The following MBOAT2 variants were observed in gnomAD, a reference collection of about 807,000 sequenced individuals.
MBOAT2 encodes membrane bound glycerophospholipid O-acyltransferase 2.
MBOAT2 carries 28 observed loss-of-function variants against 63.4 expected under a neutral mutation model. The observed-to-expected ratio is 0.44, with a 90% CI of 0.33 to 0.61. The LOEUF is 0.61. Ranked by LOEUF, MBOAT2 falls within the 20% of genes least tolerant of loss-of-function variation. The pLI, the probability that MBOAT2 is intolerant of heterozygous loss-of-function variation, is 0.03. For missense variants in MBOAT2, 470 were observed against 605.8 expected (o/e 0.78, Z 2.35); for synonymous variants, 211 against 215.6 (o/e 0.98, Z 0.19).
At position 8,897,154 on chromosome 2, in the gene MBOAT2, C is replaced by A. The variant is rs115266532; in HGVS notation, c.396-9081G>T. On this transcript the variant is annotated intron_variant, in intron 4 of 12. Transcript: ENST00000305997. ...TTTGACTTCTTTGTCTCTGTCTCTT[C>A]CTCTCTTTGACTTTCTGTGTCTCTT... 6.6e-3 allele frequency among the ~76,000 whole-genome samples: 1,010 copies of A among 152,260 alleles called. 7 individuals are homozygous for A. Among genetic ancestry groups the A allele is most frequent in the Middle Eastern group, 0.014 (4 of 294 alleles).
chr2:8,998,572 T>A (rs1672467889), intron 1 of MBOAT2, among the ~76,000 whole-genome samples: 1 of 151,368 alleles, frequency 6.6e-6, no homozygotes, highest in South Asian at 2.1e-4. Context: ...AACATCAACT[T>A]CACTTCACTG....
chr2:8,935,248 T>A (rs1326326722), intron 3 of MBOAT2, among the ~76,000 whole-genome samples: 2 of 152,176 alleles, frequency 1.3e-5, no homozygotes, highest in Admixed American at 6.5e-5. Flanking sequence ...GAGAAGCATC[T>A]GTTTGGAAAT....
chr2:8,886,464 T>C (rs1362230884), intron 5 of MBOAT2, among the ~76,000 whole-genome samples: 7 of 152,022 alleles, frequency 4.6e-5, no homozygotes, highest in Non-Finnish European at 1.0e-4. Flanking sequence ...GCTGAGAAAA[T>C]ATGGCTTAGA....
chr2:8,935,299 A>G (rs1470824902), intron 3 of MBOAT2, among the ~76,000 whole-genome samples: 3 of 146,154 alleles, frequency 2.1e-5, no homozygotes, highest in African/African-American at 7.5e-5. Flanking sequence ...AAAAATGTTA[A>G]AAAGAGTCAA....
At chr2:8,961,021 C>T (rs1189022371) in intron 1 of MBOAT2, among the ~76,000 whole-genome samples, 5 of 152,176 alleles carry the variant, frequency 3.3e-5, no homozygotes, top group East Asian at 1.9e-4. Flanking sequence ...TGCCACACCA[C>T]GGCGTTTGAG....
intron 3 of MBOAT2, among the ~76,000 whole-genome samples, chr2:8,923,267 G>C (rs1386748007): frequency 6.6e-6 from 1 of 152,050 alleles, no homozygotes; most frequent in Non-Finnish European, 1.5e-5. Context: ...ATGTAACCAG[G>C]GGTTGCAAGA....
chr2:8,959,632 G>T (rs1251368239), intron 1 of MBOAT2, among the ~76,000 whole-genome samples: 1 of 151,860 alleles, frequency 6.6e-6, no homozygotes, highest in Non-Finnish European at 1.5e-5. Context: ...GAGCTAATCT[G>T]TGCATTTTTT....
intron 2 of MBOAT2, among the ~76,000 whole-genome samples, chr2:8,956,671 T>C (rs969253122): frequency 6.6e-6 from 1 of 152,206 alleles, no homozygotes; most frequent in Non-Finnish European, 1.5e-5. Flanking sequence ...CACTCCAGCA[T>C]GGGCAACAAA....
At chr2:8,893,895 C>G (rs1664212038) in intron 4 of MBOAT2, among the ~76,000 whole-genome samples, 1 of 151,980 alleles carries the variant, frequency 6.6e-6, no homozygotes, top group Non-Finnish European at 1.5e-5. Flanking sequence ...GGTGAGAGGG[C>G]ACACATCAAG....
chr2:8,913,399 A>C (rs1393665560), intron 3 of MBOAT2, among the ~76,000 whole-genome samples: 1 of 152,200 alleles, frequency 6.6e-6, no homozygotes, highest in East Asian at 1.9e-4. Context: ...TAAACAGGCA[A>C]CCCACAGAGA....
chr2:8,923,040 G>A (rs1384957937), intron 3 of MBOAT2, among the ~76,000 whole-genome samples: 2 of 152,200 alleles, frequency 1.3e-5, no homozygotes, highest in Non-Finnish European at 2.9e-5. Context: ...AGGCTAAACT[G>A]CTTTTGCTCA....
At chr2:8,903,172 C>T (rs1665088150) in intron 4 of MBOAT2, among the ~76,000 whole-genome samples, 2 of 152,176 alleles carry the variant, frequency 1.3e-5, no homozygotes. Context: ...CTGATTGGTG[C>T]ATTTACAATC....
rs947012590 is a variant in MBOAT2, at chr2:8,852,870, A to G, written c.*5809T>C. The G allele has an allele frequency of 1.3e-5, 2 of 152,238 alleles. No homozygotes were observed. Among genetic ancestry groups the G allele is most frequent in the African/African-American group, 4.8e-5 (2 of 41,458 alleles). The allele number at this position is 152,238 out of a possible 1,614,324, so 9.4% of individuals were successfully genotyped here. ...ATGAGCACATCTCAGTTTGACTGAC[A>G]CAGTGGGAGTTTTAATTTACCGTAC... On this transcript the variant is annotated 3_prime_UTR_variant, in exon 13 of 13. Transcript: ENST00000305997.
In MBOAT2 at chr2:8,860,691, A is replaced by G. The variant is rs1374380000; in HGVS notation, c.1259T>C (p.Ile420Thr). The change falls in exon 12 of 13, where the codon ATA (isoleucine) becomes ACA (threonine). Residue 420 changes from isoleucine to threonine, a missense_variant. Around this residue, in one of 3 missense-constraint regions of MBOAT2, gnomAD observed 376 missense variants for 503.8 expected, o/e 0.75. Coordinates refer to ENST00000305997, the MANE Select transcript of MBOAT2 (RefSeq NM_138799.4). Reference protein sequence around the residue: ...LKLFYDVITWIVTQVAISYTV... With the variant: ...LKLFYDVITWTVTQVAISYTV... ...GTAACTTATTGCTACTTGAGTTACT[A>G]TCCATGTTATAACATCATAAAATAA... is the stretch of plus-strand genomic sequence containing the variant. 6.2e-7 allele frequency: 1 copy of G among 1,610,356 alleles called. No individual in the cohort carries two copies. The highest frequency in any genetic ancestry group is 1.3e-5 in the African/African-American group (1 of 74,960).
intron 6 of MBOAT2, 47 bp from the exon 7 acceptor site, chr2:8,877,260 G>C (rs1057276471): frequency 6.5e-7 from 1 of 1,541,998 alleles, no homozygotes; most frequent in Non-Finnish European, 8.8e-7. Flanking sequence ...ATAAGCTTCA[G>C]AACATCTGAT....
At chr2:8,968,473 T>A (rs1475292209) in intron 1 of MBOAT2, among the ~76,000 whole-genome samples, 1 of 152,172 alleles carries the variant, frequency 6.6e-6, no homozygotes, top group Non-Finnish European at 1.5e-5. Context: ...TCAGAGTGTC[T>A]CTCCCCTTCC....
intron 5 of MBOAT2, among the ~76,000 whole-genome samples, chr2:8,884,418 GT>G (rs2148544046): frequency 6.6e-6 from 1 of 150,486 alleles, no homozygotes; most frequent in Admixed American, 6.6e-5. Context: ...CCAAAAAAGG[GT>G]AATTCCTACT....
intron 10 of MBOAT2, among the ~76,000 whole-genome samples, chr2:8,863,966 T>C (rs868265657): frequency 6.6e-6 from 1 of 152,326 alleles, no homozygotes; most frequent in South Asian, 2.1e-4. Flanking sequence ...ACCTGCAGGA[T>C]AGCTGCATTC....
intron 1 of MBOAT2, among the ~76,000 whole-genome samples, chr2:8,995,643 T>A (rs1042533630): frequency 1.4e-5 from 2 of 145,770 alleles, no homozygotes; most frequent in Non-Finnish European, 3.0e-5. Context: ...CAGGCTGGAG[T>A]GTAGTGGCAC....
Sources: allele counts gnomAD v4.1 joint callset (sites outside exome capture counted in the v4.1 genomes callset), GRCh38; gene constraint gnomAD v4.1.1; regional missense constraint gnomAD v4.1.1; transcripts MANE v1.5; gene names NCBI Gene and HGNC (gene_info 2026-07-23, HGNC 2026-07-21).